MCTP2: variants seen among roughly 807,000 people sequenced by gnomAD.
MCTP2 encodes multiple C2 and transmembrane domain containing 2.
In MCTP2, 132 loss-of-function variants were observed where a neutral mutation model predicts 111.6. The observed-to-expected ratio is 1.18, with a 90% CI of 1.03 to 1.37. MCTP2 has a LOEUF of 1.37. MCTP2 is among the 40% of genes most tolerant of loss of function. The pLI is 0.00. For synonymous variants in MCTP2, 395 were observed against 387.7 expected (o/e 1.02, Z -0.22); for missense variants, 1,183 against 1,067.9 (o/e 1.11, Z -1.50).
intron 7 of MCTP2, 119 bp downstream of exon 7, chr15:94,341,043 G>T (rs753962531): frequency 7.3e-6 from 5 of 686,290 alleles, no homozygotes; most frequent in South Asian, 6.6e-5. Context: ...TTTAGGGGGG[G>T]TGCAACATTT....
intron 7 of MCTP2, 147 bp from the exon 8 acceptor site, chr15:94,344,982 A>G: frequency 1.2e-6 from 1 of 865,982 alleles, no homozygotes; most frequent in Non-Finnish European, 1.7e-6. Flanking sequence ...TTGCTCAAAT[A>G]TGCTTTCTCT....
intron 20 of MCTP2, among the ~76,000 whole-genome samples, chr15:94,466,935 T>C (rs1350320271): frequency 6.6e-6 from 1 of 152,220 alleles, no homozygotes; most frequent in African/African-American, 2.4e-5. Context: ...TTGTAGCTAG[T>C]ATTATTTTCA....
rs1484749166 is a variant in MCTP2 at position 94,479,581 on chromosome 15, T to A, written c.*547T>A. The A allele has an allele frequency of 6.5e-6, 1 of 153,040 alleles. No individual in the cohort carries two copies. The highest frequency in any genetic ancestry group is 2.4e-5 in the African/African-American group (1 of 41,430). The allele number at this position is 153,040 out of a possible 1,614,324, so 9.5% of individuals were successfully genotyped here. ...TAATTACCAGAATTAGCTCAAACCT[T>A]TAGGGATCTTTCAGCCATGATTATT... On this transcript the variant is annotated 3_prime_UTR_variant, in exon 23 of 23. Transcript: ENST00000357742.
intron 4 of MCTP2, among the ~76,000 whole-genome samples, chr15:94,329,240 G>C (rs1036151160): frequency 1.3e-5 from 2 of 151,908 alleles, no homozygotes; most frequent in African/African-American, 4.8e-5. Context: ...AAACAATCTG[G>C]GTTCAAGGCT....
intron 1 of MCTP2, among the ~76,000 whole-genome samples, chr15:94,279,657 A>G (rs889469346): frequency 6.6e-6 from 1 of 152,092 alleles, no homozygotes; most frequent in Non-Finnish European, 1.5e-5. Context: ...TATGCTGAAT[A>G]GGAGTGGTGA....
intron 12 of MCTP2, among the ~76,000 whole-genome samples, chr15:94,371,047 G>A (rs2079456578): frequency 6.6e-6 from 1 of 151,778 alleles, no homozygotes. Context: ...TGAGTTTGAG[G>A]AAGTTCAACC....
intron 14 of MCTP2, among the ~76,000 whole-genome samples, chr15:94,390,796 C>T (rs2080920250): frequency 7.7e-6 from 1 of 129,254 alleles, no homozygotes; most frequent in Non-Finnish European, 1.5e-5. Flanking sequence ...GTGGCTTGAT[C>T]TTGGCTCACT....
chr15:94,464,817 A>G (rs1343636573), intron 20 of MCTP2, among the ~76,000 whole-genome samples: 5 of 152,024 alleles, frequency 3.3e-5, no homozygotes, highest in African/African-American at 1.2e-4. Context: ...GAGATTTTCT[A>G]GTTATCTTTT....
intron 1 of MCTP2, among the ~76,000 whole-genome samples, chr15:94,236,368 C>CTTTTTTTTTTTTTTT (rs1167268187): frequency 1.5e-5 from 1 of 67,192 alleles, no homozygotes; most frequent in Non-Finnish European, 3.0e-5. Flanking sequence ...TCAATCCTTT[C>CTTTTTTTTTTTTTTT]TTTTTTTTCT....
At chr15:94,409,488 C>G (rs988896539) in intron 17 of MCTP2, among the ~76,000 whole-genome samples, 1 of 152,142 alleles carries the variant, frequency 6.6e-6, no homozygotes, top group Admixed American at 6.5e-5. Flanking sequence ...AGTTCCATCT[C>G]TCTAGATAAC....
chr15:94,331,148 T>G lies in MCTP2; in HGVS notation c.638-8142T>G, dbSNP rs117344455. On this transcript the variant is annotated intron_variant, in intron 4 of 22. Transcript: ENST00000357742. ...ATTCATCATGTTAATATATTGACAG[T>G]GTTTTTCTTCTTCTATTTATAAAGT... is the stretch of plus-strand genomic sequence containing the variant. Among the ~76,000 whole-genome samples, 371 of 152,360 alleles carry G rather than the reference T, an allele frequency of 2.4e-3. 1 individual carries two copies. Among genetic ancestry groups the G allele is most frequent in the Non-Finnish European group, 4.3e-3 (293 of 68,038 alleles).
chr15:94,244,254 G>A (rs1228283404), intron 1 of MCTP2, among the ~76,000 whole-genome samples: 3 of 118,130 alleles, frequency 2.5e-5, no homozygotes, highest in Non-Finnish European at 5.4e-5. Flanking sequence ...ATACACATAT[G>A]TGTATATATT....
intron 14 of MCTP2, among the ~76,000 whole-genome samples, chr15:94,397,474 A>G (rs570323485): frequency 6.6e-6 from 1 of 152,310 alleles, no homozygotes; most frequent in East Asian, 1.9e-4. Context: ...ATTTCTTTCA[A>G]CTTTAACATC....
intron 10 of MCTP2, among the ~76,000 whole-genome samples, chr15:94,363,862 A>G (rs1279108623): frequency 1.3e-5 from 2 of 152,136 alleles, no homozygotes; most frequent in Non-Finnish European, 1.5e-5. Context: ...ATGTGATGCC[A>G]CCGGAACAGA....
intron 20 of MCTP2, among the ~76,000 whole-genome samples, chr15:94,465,276 G>A (rs562371127): frequency 6.6e-6 from 1 of 152,022 alleles, no homozygotes; most frequent in African/African-American, 2.4e-5. Context: ...ATTATCCATG[G>A]GGGATATGTT....
intron 7 of MCTP2, chr15:94,343,942 A>T (rs552429393): frequency 1.3e-5 from 2 of 152,184 alleles, no homozygotes; most frequent in African/African-American, 4.8e-5. Context: ...TGTAATTGTT[A>T]AAAAATATCA....
At chr15:94,292,682 A>G (rs2152327350) in intron 1 of MCTP2, among the ~76,000 whole-genome samples, 1 of 152,280 alleles carries the variant, frequency 6.6e-6, no homozygotes, top group East Asian at 1.9e-4. Flanking sequence ...ATATGTCAGC[A>G]CTCTCCAAAC....
chr15:94,339,152 T>C, intron 4 of MCTP2, 138 bp from the exon 5 acceptor site: 1 of 554,488 alleles, frequency 1.8e-6, no homozygotes, highest in Non-Finnish European at 3.0e-6. Flanking sequence ...TATCTCCCTG[T>C]CTTCCATCTC....
At chr15:94,307,151 G>A (rs2075921501) in intron 2 of MCTP2, among the ~76,000 whole-genome samples, 1 of 152,142 alleles carries the variant, frequency 6.6e-6, no homozygotes, top group Non-Finnish European at 1.5e-5. Context: ...TAGGGACAGA[G>A]TAGTCAACAA....
Sources: allele counts gnomAD v4.1 joint callset (sites outside exome capture counted in the v4.1 genomes callset), GRCh38; gene constraint gnomAD v4.1.1; transcripts MANE v1.5; gene names NCBI Gene and HGNC (gene_info 2026-07-23, HGNC 2026-07-21).